Variants in CDKN2B-AS1 observed in about 807,000 individuals in gnomAD.
CDKN2B-AS1 encodes CDKN2B antisense RNA 1 (non-protein coding).
intron 1 of CDKN2B-AS1, among the ~76,000 whole-genome samples, chr9:22,038,694 C>T (rs923239921): frequency 7.9e-5 from 12 of 151,714 alleles, no homozygotes; most frequent in Non-Finnish European, 1.2e-4. Flanking sequence ...GTCAAGGAAC[C>T]CACAGGATAA....
chr9:22,094,599 T>C (rs1825210530), intron 4 of CDKN2B-AS1, among the ~76,000 whole-genome samples: 1 of 144,632 alleles, frequency 6.9e-6, no homozygotes, highest in Non-Finnish European at 1.5e-5. Flanking sequence ...TTCCAGTTGA[T>C]CGAATCGGCT....
chr9:22,089,555 C>G (rs1477371359), intron 4 of CDKN2B-AS1, among the ~76,000 whole-genome samples: 4 of 152,122 alleles, frequency 2.6e-5, no homozygotes, highest in Non-Finnish European at 5.9e-5. Context: ...CTCTGCCTCC[C>G]AAGTAACTGG....
At chr9:22,061,127 C>T (rs1396372459) in intron 4 of CDKN2B-AS1, among the ~76,000 whole-genome samples, 2 of 152,132 alleles carry the variant, frequency 1.3e-5, no homozygotes, top group Non-Finnish European at 2.9e-5. Flanking sequence ...TTGGCCAGAA[C>T]CAGCTAGATG....
chr9:22,018,702 A>G (rs1446925355), intron 1 of CDKN2B-AS1, among the ~76,000 whole-genome samples: 1 of 152,206 alleles, frequency 6.6e-6, no homozygotes, highest in African/African-American at 2.4e-5. Context: ...AAAGAGCGCC[A>G]ACATGTTTAT....
At chr9:22,038,687 A>G (rs762740198) in intron 1 of CDKN2B-AS1, among the ~76,000 whole-genome samples, 10 of 152,048 alleles carry the variant, frequency 6.6e-5, no homozygotes, top group Non-Finnish European at 1.2e-4. Flanking sequence ...TTCTTCTGTC[A>G]AGGAACCCAC....
rs148465163 is a variant in CDKN2B-AS1, at chr9:22,096,353, G to C, written n.439-30750G>C. Reference sequence around the variant, plus strand: ...ACACCATTCGTTCATTCCTGACTATGAACTTGGCATTGTTCTAGGTACCAG... The same window carrying C: ...ACACCATTCGTTCATTCCTGACTATCAACTTGGCATTGTTCTAGGTACCAG... On this transcript the variant is annotated intron_variant and non_coding_transcript_variant, in intron 4 of 4. Coordinates refer to ENST00000650946, the Ensembl canonical transcript of CDKN2B-AS1. 274 of 152,274 alleles carry C rather than the reference G, an allele frequency of 1.8e-3. 2 individuals carry two copies. The highest frequency in any genetic ancestry group is 6.3e-3 in the African/African-American group (263 of 41,524). 9.4% of individuals were successfully genotyped at this position (152,274 alleles called of 1,614,324 possible). A position where few individuals can be genotyped will look rare whatever the true frequency, so the allele number is the denominator to read the frequency against.
intron 4 of CDKN2B-AS1, among the ~76,000 whole-genome samples, chr9:22,095,740 TC>T (rs1415801121): frequency 6.7e-6 from 1 of 148,550 alleles, no homozygotes; most frequent in Non-Finnish European, 1.5e-5. Flanking sequence ...CTTGTAGGTT[TC>T]TAAGGACTTG....
chr9:22,096,683 C>A (rs1246876118), intron 4 of CDKN2B-AS1, among the ~76,000 whole-genome samples: 1 of 152,144 alleles, frequency 6.6e-6, no homozygotes, highest in Admixed American at 6.5e-5. Flanking sequence ...TTCACCATGA[C>A]CCTGGCCCTG....
At chr9:22,122,095 C>T (rs960639159) in intron 4 of CDKN2B-AS1, among the ~76,000 whole-genome samples, 2 of 151,206 alleles carry the variant, frequency 1.3e-5, no homozygotes, top group African/African-American at 4.9e-5. Context: ...AATAGTCATC[C>T]TAACTGGGGT....
At chr9:22,118,129 G>A (rs1449473100) in intron 4 of CDKN2B-AS1, 2 of 152,256 alleles carry the variant, frequency 1.3e-5, no homozygotes. Flanking sequence ...TGCCCAGGGT[G>A]GGGCTCTGCT....
intron 4 of CDKN2B-AS1, among the ~76,000 whole-genome samples, chr9:22,083,985 C>T (rs1824785959): frequency 6.6e-6 from 1 of 152,172 alleles, no homozygotes; most frequent in African/African-American, 2.4e-5. Context: ...GATCTTAAAT[C>T]TCTTTCTGAC....
intron 4 of CDKN2B-AS1, chr9:22,119,483 G>C (rs1826044166): frequency 1.3e-5 from 2 of 152,106 alleles, no homozygotes; most frequent in Non-Finnish European, 1.5e-5. Context: ...AAGTGTGTTG[G>C]TGAAAGAGAA....
intron 4 of CDKN2B-AS1, among the ~76,000 whole-genome samples, chr9:22,103,508 C>T (rs1825560189): frequency 1.3e-5 from 2 of 152,046 alleles, no homozygotes; most frequent in Admixed American, 6.6e-5. Context: ...CAGCAAAGGC[C>T]CACATCGTTC....
intron 4 of CDKN2B-AS1, among the ~76,000 whole-genome samples, chr9:22,083,624 G>A (rs2131332668): frequency 6.6e-6 from 1 of 152,288 alleles, no homozygotes; most frequent in South Asian, 2.1e-4. Context: ...CTGAAGCTCT[G>A]CCAGGTTCAA....
At chr9:22,119,990 T>C (rs1369786091) in intron 4 of CDKN2B-AS1, 1 of 152,198 alleles carries the variant, frequency 6.6e-6, no homozygotes, top group Non-Finnish European at 1.5e-5. Flanking sequence ...AAATCCTTGT[T>C]TGAAGTTAGT....
chr9:22,077,556 A>G (rs1007483649), intron 4 of CDKN2B-AS1: 13 of 152,188 alleles, frequency 8.5e-5, no homozygotes, highest in African/African-American at 3.1e-4. Context: ...CTTTGGTTCC[A>G]TTAGCCATGG....
intron 1 of CDKN2B-AS1, among the ~76,000 whole-genome samples, chr9:22,020,225 A>T (rs900974791): frequency 1.3e-5 from 2 of 152,168 alleles, no homozygotes; most frequent in African/African-American, 4.8e-5. Context: ...TTATGGCTGC[A>T]TAGTATTCCA....
chr9:22,102,597 T>G (rs1825522590), intron 4 of CDKN2B-AS1, among the ~76,000 whole-genome samples: 1 of 152,168 alleles, frequency 6.6e-6, no homozygotes, highest in African/African-American at 2.4e-5. Context: ...CTCCAATTTC[T>G]GCCTCTGTTT....
intron 1 of CDKN2B-AS1, chr9:22,008,723 T>C (rs1259633269): frequency 6.2e-7 from 1 of 1,611,020 alleles, no homozygotes; most frequent in African/African-American, 1.3e-5. Context: ...CGATCTAGGT[T>C]CCAGCCCCGA....
Sources: allele counts gnomAD v4.1 joint callset (sites outside exome capture counted in the v4.1 genomes callset), GRCh38; gene constraint gnomAD v4.1.1; transcripts MANE v1.5; gene names NCBI Gene and HGNC (gene_info 2026-07-23, HGNC 2026-07-21).